PPP2R5E: variants seen among roughly 807,000 people sequenced by gnomAD.
PPP2R5E encodes serine/threonine-protein phosphatase 2A 56 kDa regulatory subunit epsilon isoform.
PPP2R5E carries 4 observed loss-of-function variants against 65.3 expected under a neutral mutation model. The observed-to-expected ratio is 0.06, with a 90% CI of 0.03 to 0.14. The LOEUF (loss-of-function observed/expected upper bound fraction) is 0.14, where lower values mean the gene tolerates loss of function less well. Ranked by LOEUF, PPP2R5E falls within the 10% of genes least tolerant of loss-of-function variation. The pLI, the probability that PPP2R5E is intolerant of heterozygous loss-of-function variation, is 1.00. For missense variants in PPP2R5E, 274 were observed against 556.1 expected (o/e 0.49, Z 5.10); for synonymous variants, 183 against 187.4 (o/e 0.98, Z 0.19).
intron 2 of PPP2R5E, among the ~76,000 whole-genome samples, chr14:63,481,444 C>T (rs1212354829): frequency 6.8e-6 from 1 of 147,618 alleles, no homozygotes; most frequent in Non-Finnish European, 1.5e-5. Context: ...TGCAGTGAGC[C>T]GAGATCGCAC....
chr14:63,417,898 C>A (rs998963342), intron 4 of PPP2R5E, among the ~76,000 whole-genome samples: 1 of 152,072 alleles, frequency 6.6e-6, no homozygotes, highest in African/African-American at 2.4e-5. Flanking sequence ...TAGTTTTGAC[C>A]TTGCAGGACA....
At chr14:63,463,600 C>CT (rs534076468) in intron 2 of PPP2R5E, among the ~76,000 whole-genome samples, 1,996 of 139,152 alleles carry the variant, frequency 0.014, 46 homozygotes, top group East Asian at 0.11. Flanking sequence ...CTCGAATTCG[C>CT]TTTTTTTTTT....
At chr14:63,477,712 T>G (rs8007996) in intron 2 of PPP2R5E, among the ~76,000 whole-genome samples, 55,091 of 151,896 alleles carry the variant, frequency 0.36, 14,038 homozygotes, top group African/African-American at 0.73. Context: ...AAGGTTAAGG[T>G]TCTCTTATCT....
At chr14:63,378,930 C>T (rs1177270269) in intron 13 of PPP2R5E, among the ~76,000 whole-genome samples, 1 of 152,200 alleles carries the variant, frequency 6.6e-6, no homozygotes, top group East Asian at 1.9e-4. Flanking sequence ...TTCCCTTGTC[C>T]TATTCCCACA....
chr14:63,522,782 G>A (rs1327822070), intron 2 of PPP2R5E, among the ~76,000 whole-genome samples: 8 of 150,670 alleles, frequency 5.3e-5, no homozygotes, highest in African/African-American at 1.2e-4. Flanking sequence ...GAGCGTCACC[G>A]CCCGGCAGCC....
chr14:63,389,656 A>C lies in PPP2R5E; in HGVS notation c.1030T>G (p.Leu344Val). 1 of 1,612,484 alleles carries C rather than the reference A, an allele frequency of 6.2e-7. No homozygotes were observed. Among genetic ancestry groups the C allele is most frequent in the Non-Finnish European group, 8.5e-7 (1 of 1,179,600 alleles). ...ACACACTTGGCGATTTGTTTAAACA[A>C]AGGTTCTTGGATTTTAACAAATTGT... ...PSQFVKIQEP[L>V]FKQIAKCVSS... Residue 344 changes from leucine (L) to valine (V), a missense_variant, in exon 11 of 14, where the codon TTG becomes GTG. Coordinates refer to ENST00000337537, the MANE Select transcript of PPP2R5E (RefSeq NM_006246.5).
intron 5 of PPP2R5E, 62 bp from the exon 6 acceptor site, chr14:63,396,778 C>T (rs1054371586): frequency 1.3e-6 from 2 of 1,570,900 alleles, no homozygotes; most frequent in South Asian, 2.3e-5. Flanking sequence ...TTTAGGAATT[C>T]TATTATTTAA....
intron 11 of PPP2R5E, among the ~76,000 whole-genome samples, chr14:63,388,342 T>C (rs1211141048): frequency 6.6e-6 from 1 of 152,168 alleles, no homozygotes; most frequent in Non-Finnish European, 1.5e-5. Context: ...GGTTTCACCA[T>C]GGTGGCCAGG....
chr14:63,519,331 G>A (rs976298333), intron 2 of PPP2R5E, among the ~76,000 whole-genome samples: 20 of 152,084 alleles, frequency 1.3e-4, no homozygotes, highest in Non-Finnish European at 2.1e-4. Flanking sequence ...GTGTATAAAT[G>A]TTCTTGGGAT....
chr14:63,515,167 C>T (rs1376561986), intron 2 of PPP2R5E, among the ~76,000 whole-genome samples: 1 of 152,098 alleles, frequency 6.6e-6, no homozygotes, highest in Non-Finnish European at 1.5e-5. Context: ...AAATAAATGT[C>T]AAAAATGTTA....
At chr14:63,422,380 CTTGGTTACTTA>C (rs886926692) in intron 3 of PPP2R5E, among the ~76,000 whole-genome samples, 3 of 152,202 alleles carry the variant, frequency 2.0e-5, no homozygotes, top group African/African-American at 7.2e-5. Flanking sequence ...AAAGCCTGCT[CTTGGTTACTTA>C]CCAGTCAAGC....
chr14:63,381,397 G>T (rs1298684698), intron 13 of PPP2R5E, among the ~76,000 whole-genome samples: 1 of 152,204 alleles, frequency 6.6e-6, no homozygotes, highest in South Asian at 2.1e-4. Flanking sequence ...TATACTTCAA[G>T]TAAGTTCAGA....
chr14:63,469,663 C>T (rs1178209179), intron 2 of PPP2R5E, among the ~76,000 whole-genome samples: 1 of 152,208 alleles, frequency 6.6e-6, no homozygotes, highest in African/African-American at 2.4e-5. Context: ...CACTGCACTC[C>T]AGCCTGGGCG....
At chr14:63,449,353 A>C (rs1470203447) in intron 3 of PPP2R5E, among the ~76,000 whole-genome samples, 1 of 152,254 alleles carries the variant, frequency 6.6e-6, no homozygotes, top group Non-Finnish European at 1.5e-5. Flanking sequence ...AATGATCGTA[A>C]AATCAAGTAT....
At chr14:63,522,957 TG>T (rs1286703563) in intron 2 of PPP2R5E, among the ~76,000 whole-genome samples, 1 of 112,706 alleles carries the variant, frequency 8.9e-6, no homozygotes, top group Admixed American at 9.2e-5. Flanking sequence ...GGGAGGGAGG[TG>T]GGGGGGTCAG....
At chr14:63,379,683 TC>T (rs1374945848) in intron 13 of PPP2R5E, among the ~76,000 whole-genome samples, 2 of 152,172 alleles carry the variant, frequency 1.3e-5, no homozygotes, top group Non-Finnish European at 2.9e-5. Context: ...CTATTCCTGG[TC>T]CCCTTAGTTA....
chr14:63,476,309 G>C (rs1890410345), intron 2 of PPP2R5E, among the ~76,000 whole-genome samples: 1 of 151,982 alleles, frequency 6.6e-6, no homozygotes, highest in Admixed American at 6.6e-5. Flanking sequence ...ATCAAAATGA[G>C]TTATTTCATT....
rs1884402308 is a variant in PPP2R5E, at chr14:63,382,163, A to G, written c.1203-6T>C. ...ACACCAACGCCACAATAGCCCTGGA[A>G]AGCACAGAAAAAAAGGAGTGTGTTA... On this transcript the variant is annotated splice_region_variant and splice_polypyrimidine_tract_variant and intron_variant, in intron 12 of 13. Coordinates refer to ENST00000337537, the MANE Select transcript of PPP2R5E (RefSeq NM_006246.5). 6.2e-7 allele frequency: 1 copy of G among 1,609,882 alleles called. No individual in the cohort carries two copies. The highest frequency in any genetic ancestry group is 8.5e-7 in the Non-Finnish European group (1 of 1,176,952).
intron 3 of PPP2R5E, among the ~76,000 whole-genome samples, chr14:63,429,158 A>G (rs1167465621): frequency 6.6e-6 from 1 of 152,226 alleles, no homozygotes. Context: ...CAGTATAACA[A>G]GTCAATTTAA....
Sources: gnomAD v4.1 joint callset for allele counts (sites outside exome capture counted in the v4.1 genomes callset) on GRCh38, gnomAD v4.1.1 for gene constraint, MANE v1.5 for transcripts, NCBI Gene and HGNC (gene_info 2026-07-23, HGNC 2026-07-21) for gene names.